Variants in ITPR2 observed in about 807,000 individuals in gnomAD.
ITPR2 encodes inositol 1,4,5-trisphosphate receptor type 2, also known as inositol 1,4,5-trisphosphate-gated calcium channel ITPR2.
ITPR2 carries 207 observed loss-of-function variants against 317.1 expected under a neutral mutation model. That is an observed-to-expected ratio of 0.65 (90% confidence interval 0.58 to 0.73). The LOEUF is 0.73. Ranked by LOEUF, ITPR2 falls within the 30% of genes least tolerant of loss-of-function variation. The probability of loss-of-function intolerance (pLI) is 0.00; values close to 1 mark genes in which losing one functional copy is unlikely to be tolerated. For missense variants in ITPR2, 2,613 were observed against 3,284.0 expected (o/e 0.80, Z 4.99); for synonymous variants, 1,156 against 1,149.1 (o/e 1.01, Z -0.12).
At chr12:26,606,591 A>G (rs1291716097) in intron 26 of ITPR2, among the ~76,000 whole-genome samples, 1 of 150,506 alleles carries the variant, frequency 6.6e-6, no homozygotes, top group Non-Finnish European at 1.5e-5. Flanking sequence ...CATCAATAGC[A>G]AAAATTATAT....
chr12:26,589,489 T>A lies in ITPR2; in HGVS notation c.4380+5976A>T, dbSNP rs114559976. ...ACTATTAGTAATTTCATTTGCATTTTAAAAAATATTGTTGTCAGGTCAGGT... is the reference window on the plus strand; with the variant it reads ...ACTATTAGTAATTTCATTTGCATTTAAAAAAATATTGTTGTCAGGTCAGGT... On this transcript the variant is annotated intron_variant, in intron 32 of 56. Coordinates refer to ENST00000381340, the MANE Select transcript of ITPR2 (RefSeq NM_002223.4). 6.7e-3 allele frequency among the ~76,000 whole-genome samples: 1,025 copies of A among 151,900 alleles called. 20 individuals are homozygous for A. The highest frequency in any genetic ancestry group is 0.024 in the African/African-American group (978 of 41,396).
rs201868488 is a variant in ITPR2, at chr12:26,419,170, C to A, written c.6989G>T (p.Arg2330Leu). 2 of 1,613,582 alleles carry A rather than the reference C, an allele frequency of 1.2e-6. No homozygotes were observed. Among genetic ancestry groups the A allele is most frequent in the Non-Finnish European group, 1.7e-6 (2 of 1,179,732 alleles). Residue 2330 changes from arginine (R) to leucine (L), a missense_variant, in exon 50 of 57, where the codon CGT (arginine) becomes CTT (leucine). Arg to Leu is a moderately radical substitution (Grantham distance 102). Transcript: ENST00000381340. ...TCGGTACCCACGGGTGAACGTGCCACGATTTCCAACAAAACTCACCAGAAA... is the reference window on the plus strand; with the variant it reads ...TCGGTACCCACGGGTGAACGTGCCAAGATTTCCAACAAAACTCACCAGAAA... Reference protein sequence around the residue: ...IVFLVSFVGNRGTFTRGYRAV... With the variant: ...IVFLVSFVGNLGTFTRGYRAV...
chr12:26,574,389 G>A (rs1407330367), intron 34 of ITPR2, among the ~76,000 whole-genome samples: 1 of 152,126 alleles, frequency 6.6e-6, no homozygotes, highest in Non-Finnish European at 1.5e-5. Flanking sequence ...GTTCCACTTT[G>A]GTTCTCTGTT....
At chr12:26,453,167 T>A (rs1185517503) in intron 45 of ITPR2, among the ~76,000 whole-genome samples, 2 of 141,746 alleles carry the variant, frequency 1.4e-5, no homozygotes, top group Non-Finnish European at 3.1e-5. Context: ...ACTTAAGATT[T>A]TATAAAGAAT....
intron 37 of ITPR2, among the ~76,000 whole-genome samples, chr12:26,503,061 A>C (rs1366551815): frequency 6.6e-6 from 1 of 152,050 alleles, no homozygotes; most frequent in South Asian, 2.1e-4. Flanking sequence ...GCAGTCCTTG[A>C]TCTTCAAGCT....
intron 32 of ITPR2, among the ~76,000 whole-genome samples, chr12:26,592,320 T>C (rs1218269217): frequency 6.6e-6 from 1 of 152,160 alleles, no homozygotes; most frequent in African/African-American, 2.4e-5. Flanking sequence ...TTGAAAACAA[T>C]GAATAAAATC....
intron 37 of ITPR2, among the ~76,000 whole-genome samples, chr12:26,513,316 A>G (rs1379402963): frequency 5.9e-5 from 9 of 152,200 alleles, no homozygotes; most frequent in Non-Finnish European, 8.8e-5. Context: ...ATTAAGATTC[A>G]TTATGCTTTT....
intron 9 of ITPR2, among the ~76,000 whole-genome samples, chr12:26,701,173 T>C (rs1470180562): frequency 6.6e-6 from 1 of 152,180 alleles, no homozygotes. Context: ...CATAAATACC[T>C]GGGCAGTGAA....
intron 22 of ITPR2, among the ~76,000 whole-genome samples, chr12:26,628,673 TC>T (rs973770698): frequency 1.3e-5 from 2 of 152,216 alleles, no homozygotes; most frequent in Admixed American, 6.5e-5. Context: ...TGTTTGTGTT[TC>T]CTTGAGTTTG....
chr12:26,617,421 CAA>C, intron 26 of ITPR2, among the ~76,000 whole-genome samples: 1 of 152,184 alleles, frequency 6.6e-6, no homozygotes, highest in East Asian at 1.9e-4. Flanking sequence ...AATCAGTAGT[CAA>C]AGTCTTTCCC....
Position 26,387,445 on chromosome 12 carries a change from G to A in ITPR2, c.7846C>T (p.Gln2616Ter). Residue 2616 changes from glutamine (Q) to a stop codon, truncating the protein, a stop_gained, in exon 55 of 57, where the codon CAA (glutamine) becomes TAA (stop). Coordinates refer to ENST00000381340, the MANE Select transcript of ITPR2 (RefSeq NM_002223.4). LOFTEE classifies it high-confidence loss of function. ...TTCTGGTCACTCACCACAATCATTT[G>A]AGCCACATAACTTTCAGGTCCAGTG... ...EYTGPESYVA[Q>*]MIVEKNLDWF... 6.2e-7 allele frequency: 1 copy of A among 1,613,506 alleles called. No homozygotes were observed. Among genetic ancestry groups the A allele is most frequent in the Non-Finnish European group, 8.5e-7 (1 of 1,179,688 alleles).
chr12:26,826,737 T>C (rs921234650), intron 1 of ITPR2, among the ~76,000 whole-genome samples: 1 of 152,138 alleles, frequency 6.6e-6, no homozygotes, highest in South Asian at 2.1e-4. Context: ...CACTTAAACA[T>C]ACATATACAG....
At chr12:26,808,589 CCCAAGCTTGGGT>C (rs60112043) in intron 1 of ITPR2, among the ~76,000 whole-genome samples, 8,551 of 152,022 alleles carry the variant, frequency 0.056, 315 homozygotes, top group African/African-American at 0.095. Flanking sequence ...CACAAGTACT[CCCAAGCTTGGGT>C]CCAAGCTTGG....
chr12:26,669,261 T>G (rs745585062), intron 13 of ITPR2, among the ~76,000 whole-genome samples: 1 of 151,788 alleles, frequency 6.6e-6, no homozygotes, highest in African/African-American at 2.4e-5. Context: ...AAGAGAACTA[T>G]TAAAAGGCAA....
intron 1 of ITPR2, among the ~76,000 whole-genome samples, chr12:26,827,085 A>G (rs1951019771): frequency 1.3e-5 from 2 of 152,236 alleles, no homozygotes; most frequent in South Asian, 4.1e-4. Context: ...AAGAGACACA[A>G]AAACTATAAC....
intron 21 of ITPR2, among the ~76,000 whole-genome samples, chr12:26,633,044 G>A (rs184481088): frequency 2.6e-5 from 4 of 152,120 alleles, no homozygotes; most frequent in Admixed American, 1.3e-4. Flanking sequence ...CTTAAGCAAA[G>A]GCCTAAGAAT....
At chr12:26,342,886 G>A (rs1938181295) in intron 55 of ITPR2, among the ~76,000 whole-genome samples, 2 of 151,996 alleles carry the variant, frequency 1.3e-5, no homozygotes, top group Admixed American at 1.3e-4. Context: ...TGGGATTACA[G>A]GCGTGAGCCA....
intron 37 of ITPR2, among the ~76,000 whole-genome samples, chr12:26,527,880 C>G (rs1329834370): frequency 1.3e-5 from 2 of 152,160 alleles, no homozygotes; most frequent in African/African-American, 2.4e-5. Flanking sequence ...CTCATGTGCC[C>G]CAGGTGGAGG....
chr12:26,537,251 G>T (rs564679707), intron 37 of ITPR2, among the ~76,000 whole-genome samples: 7 of 152,322 alleles, frequency 4.6e-5, no homozygotes, highest in African/African-American at 1.7e-4. Flanking sequence ...TTTATTTCAA[G>T]AGAGTGGGCA....
Sources: allele counts gnomAD v4.1 joint callset (sites outside exome capture counted in the v4.1 genomes callset), GRCh38; gene constraint gnomAD v4.1.1; transcripts MANE v1.5; gene names NCBI Gene and HGNC (gene_info 2026-07-23, HGNC 2026-07-21).